SYT3: variants seen among roughly 807,000 people sequenced by gnomAD.
SYT3 encodes the protein synaptotagmin 3.
In SYT3, 25 loss-of-function variants were observed where a neutral mutation model predicts 50.6. That is an observed-to-expected ratio of 0.49 (90% CI 0.36 to 0.69). The LOEUF is 0.69. Ranked by LOEUF, SYT3 falls within the 30% of genes least tolerant of loss-of-function variation. The probability of loss-of-function intolerance (pLI) is 0.00; values close to 1 mark genes in which losing one functional copy is unlikely to be tolerated. For synonymous variants in SYT3, 323 were observed against 353.9 expected, an observed-to-expected ratio of 0.91 and a Z score of 0.98; for missense variants, 589 against 793.6, an observed-to-expected ratio of 0.74 and a Z score of 3.10.
chr19:50,643,013 C>T (rs1415008319), upstream of SYT3, among the ~76,000 whole-genome samples: 1 of 152,130 alleles, frequency 6.6e-6, no homozygotes, highest in Non-Finnish European at 1.5e-5. Flanking sequence ...GAAATTGAGG[C>T]TCACCAAGGG....
At chr19:50,658,026 C>A in the SYT3 span, 3 of 1,535,730 alleles carry the variant, frequency 2.0e-6, no homozygotes, top group Non-Finnish European at 8.7e-7. Flanking sequence ...GTGCTGCAAG[C>A]CCTGGAGGCC....
At chr19:50,646,714 T>A in the SYT3 span, among the ~76,000 whole-genome samples, 1 of 151,836 alleles carries the variant, frequency 6.6e-6, no homozygotes, top group Non-Finnish European at 1.5e-5. Context: ...ATGAGGGCAT[T>A]TGGGGACATG....
At chr19:50,630,265 C>A in intron 4 of SYT3, 94 bp from the exon 5 acceptor site, 4 of 1,287,424 alleles carry the variant, frequency 3.1e-6, no homozygotes, top group Non-Finnish European at 4.1e-6. Context: ...GCCTTTCCCC[C>A]CATCCCCCAG....
chr19:50,623,042 TG>T (rs945410274), intron 9 of SYT3, among the ~76,000 whole-genome samples: 5 of 142,876 alleles, frequency 3.5e-5, no homozygotes, highest in African/African-American at 5.3e-5. Context: ...CTGGGGCCAC[TG>T]GGGAGCCACG....
At position 50,632,467 on chromosome 19, in the gene SYT3, C is replaced by G. The variant is rs553969864; in HGVS notation, c.493G>C (p.Asp165His). Residue 165 changes from aspartate to histidine, a missense_variant, in exon 4 of 11, where the codon GAC becomes CAC. By Grantham distance (81) the Asp-to-His change is moderately conservative. This residue lies in a region of SYT3 where 316 missense variants were observed against 354.3 expected (regional missense o/e 0.89). Transcript: ENST00000600079. The surrounding 1 kb of genome is among the most constrained non-coding windows in gnomAD (Gnocchi z 4.7). ...DTPEPSYLDMDSYPEAAAAAV... is the reference protein window; with the variant it reads ...DTPEPSYLDMHSYPEAAAAAV... ...GCTGCTGCAGCCTCTGGATACGAGT[C>G]CATGTCCAAGTAGGAGGGCTCAGGG... is the stretch of plus-strand genomic sequence containing the variant. 1.9e-5 allele frequency: 31 copies of G among 1,613,432 alleles called. No homozygotes were observed. Among genetic ancestry groups the G allele is most frequent in the Non-Finnish European group, 2.4e-5 (28 of 1,179,858 alleles).
chr19:50,624,850 C>A, intron 9 of SYT3: 1 of 274,214 alleles, frequency 3.6e-6, no homozygotes, highest in Non-Finnish European at 6.8e-6. Flanking sequence ...CCACGCCCAG[C>A]CCCCTCTATT....
At chr19:50,652,687 A>AGGACTTT in the SYT3 span, among the ~76,000 whole-genome samples, 81 of 152,288 alleles carry the variant, frequency 5.3e-4, no homozygotes, top group Middle Eastern at 6.8e-3. Flanking sequence ...GGTCACTGGA[A>AGGACTTT]GGACTTTGGA....
chr19:50,628,706 G>A (rs770881239), intron 6 of SYT3, among the ~76,000 whole-genome samples: 4 of 152,084 alleles, frequency 2.6e-5, no homozygotes, highest in Non-Finnish European at 4.4e-5. Context: ...TCATGGGGTT[G>A]AGGCAGGAAG....
At chr19:50,650,840 T>C in the SYT3 span, among the ~76,000 whole-genome samples, 1 of 152,244 alleles carries the variant, frequency 6.6e-6, no homozygotes, top group African/African-American at 2.4e-5. Context: ...TTTAGTGCTT[T>C]TGAAGGCATC....
Position 50,637,149 on chromosome 19 carries a change from G to T in SYT3, c.148+115C>A, listed in dbSNP as rs1984520508. 2.3e-6 allele frequency: 3 copies of T among 1,286,958 alleles called. No individual in the cohort carries two copies. Among genetic ancestry groups the T allele is most frequent in the Non-Finnish European group, 3.3e-6 (3 of 922,746 alleles). 79.7% of individuals were successfully genotyped at this position (1,286,958 alleles called of 1,614,324 possible). On this transcript the variant is annotated intron_variant, in intron 3 of 10. Coordinates refer to ENST00000600079, the MANE Select transcript of SYT3 (RefSeq NM_001160329.2). This position sits in a 1 kb window ranked among gnomAD's most constrained non-coding sequence, Gnocchi z 4.9. ...AAGGGCAGCAGCAGGCAGAATGGGGGCAAGACGCTACGAGGGACTGACCCC... is the reference window on the plus strand; with the variant it reads ...AAGGGCAGCAGCAGGCAGAATGGGGTCAAGACGCTACGAGGGACTGACCCC...
chr19:50,645,498 G>A, the SYT3 span, among the ~76,000 whole-genome samples: 8 of 152,168 alleles, frequency 5.3e-5, no homozygotes, highest in Admixed American at 5.2e-4. Flanking sequence ...CAGAGAGAAA[G>A]ACAGGGAGAG....
At chr19:50,631,356 G>T (rs1410516912) in intron 4 of SYT3, among the ~76,000 whole-genome samples, 1 of 151,816 alleles carries the variant, frequency 6.6e-6, no homozygotes, top group East Asian at 1.9e-4. Context: ...TAGAGATGGG[G>T]TTTCACCATA....
At chr19:50,644,583 C>T (rs1240731466), upstream of SYT3, among the ~76,000 whole-genome samples, 1 of 149,586 alleles carries the variant, frequency 6.7e-6, no homozygotes, top group Non-Finnish European at 1.5e-5. Flanking sequence ...ATGGAAGCTG[C>T]AGAAATAGAC....
chr19:50,656,363 C>T, the SYT3 span: 2 of 1,528,014 alleles, frequency 1.3e-6, no homozygotes, highest in Non-Finnish European at 1.8e-6. Flanking sequence ...GGACCTGTGC[C>T]CTTATTTTCT....
At chr19:50,651,961 C>T in the SYT3 span, among the ~76,000 whole-genome samples, 20 of 152,160 alleles carry the variant, frequency 1.3e-4, no homozygotes, top group East Asian at 1.7e-3. Context: ...ATTCATTTAA[C>T]GCTTGTACAA....
chr19:50,653,682 G>GCACACACACACACA, the SYT3 span, among the ~76,000 whole-genome samples: 4 of 121,844 alleles, frequency 3.3e-5, no homozygotes, highest in Non-Finnish European at 6.9e-5. Flanking sequence ...ATGAGAGACA[G>GCACACACACACACA]CACACACACA....
intron 9 of SYT3, among the ~76,000 whole-genome samples, chr19:50,623,313 C>T (rs567423664): frequency 2.6e-5 from 4 of 152,050 alleles, no homozygotes; most frequent in Admixed American, 1.3e-4. Context: ...GTAGAGTCCC[C>T]GTCTTTTCCA....
chr19:50,632,725 A>C lies in SYT3; in HGVS notation c.235T>G (p.Cys79Gly). 1 of 1,581,196 alleles carries C rather than the reference A, an allele frequency of 6.3e-7. No individual in the cohort carries two copies. The highest frequency in any genetic ancestry group is 8.6e-7 in the Non-Finnish European group (1 of 1,166,108). The change falls in exon 4 of 11, where the codon TGC becomes GGC. Residue 79 changes from cysteine (C) to glycine (G), a missense_variant. By Grantham distance (159) the Cys-to-Gly change is radical. Around this residue, in one of 2 missense-constraint regions of SYT3, gnomAD observed 316 missense variants for 354.3 expected, o/e 0.89. Coordinates refer to ENST00000600079, the MANE Select transcript of SYT3 (RefSeq NM_001160329.2). The surrounding 1 kb of genome is among the most constrained non-coding windows in gnomAD (Gnocchi z 4.7). The part of the protein sequence containing the change: ...GVSLFVSWKL[C>G]WVPWRDKGGS... ...CCCTTGTCCCGCCAGGGCACCCAGC[A>C]CAACTTCCAGGACACGAAGAGAGAG...
At position 50,637,397 on chromosome 19, in the gene SYT3, G is replaced by T; in HGVS notation, c.15C>A (p.Tyr5Ter). The stretch of plus-strand genomic sequence containing the variant: ...GTGCCCGCCGGCAGAGGTCATCCTC[G>T]TAGTCTCCTGACATGGTGGCCGTCT... MSGD[Y>*]EDDLCRRALI... is the part of the protein sequence containing the mutation. The change falls in exon 3 of 11, where the codon TAC (tyrosine) becomes TAA (stop). Residue 5 changes from tyrosine to a stop codon, truncating the protein, a stop_gained. Coordinates refer to ENST00000600079, the MANE Select transcript of SYT3 (RefSeq NM_001160329.2). LOFTEE classifies it high-confidence loss of function. This position sits in a 1 kb window ranked among gnomAD's most constrained non-coding sequence, Gnocchi z 4.9. 1.2e-6 allele frequency: 2 copies of T among 1,603,656 alleles called. No homozygotes were observed. The highest frequency in any genetic ancestry group is 1.7e-6 in the Non-Finnish European group (2 of 1,174,736).
Sources: allele counts gnomAD v4.1 joint callset (sites outside exome capture counted in the v4.1 genomes callset), GRCh38; gene constraint gnomAD v4.1.1; regional missense constraint gnomAD v4.1.1; non-coding constraint Gnocchi (gnomAD v3.1); transcripts MANE v1.5; gene names NCBI Gene and HGNC (gene_info 2026-07-23, HGNC 2026-07-21).